Variants in ACYP2 observed in about 807,000 individuals in gnomAD.
ACYP2 encodes acylphosphatase 2.
In ACYP2, 12 loss-of-function variants were observed where a neutral mutation model predicts 11.2. The ratio of observed to expected loss-of-function variants is 1.08; its 90% confidence interval spans 0.69 to 1.74. The LOEUF is 1.74. Ranked by LOEUF, ACYP2 falls within the 40% of genes most tolerant of loss-of-function variation. The pLI is 0.00. For synonymous variants in ACYP2, 43 were observed against 32.2 expected, an observed-to-expected ratio of 1.33 and a Z score of -1.13; for missense variants, 134 against 101.9, an observed-to-expected ratio of 1.31 and a Z score of -1.35.
At chr2:54,297,679 A>G (rs2104161043) in intron 6 of ACYP2, among the ~76,000 whole-genome samples, 1 of 152,352 alleles carries the variant, frequency 6.6e-6, no homozygotes, top group South Asian at 2.1e-4. Context: ...TCTGATTACA[A>G]TACAAGAAAT....
chr2:54,011,794 A>G (rs1573514389), intron 2 of ACYP2, among the ~76,000 whole-genome samples: 1 of 151,882 alleles, frequency 6.6e-6, no homozygotes, highest in East Asian at 1.9e-4. Context: ...CTTCTTGAGT[A>G]GCTCAGTAAG....
intron 4 of ACYP2, among the ~76,000 whole-genome samples, chr2:54,103,268 A>G (rs968995105): frequency 6.6e-6 from 1 of 152,218 alleles, no homozygotes; most frequent in Admixed American, 6.5e-5. Flanking sequence ...AAAGCAACAC[A>G]TGTCCACCAC....
At chr2:54,071,663 G>T (rs1677050510) in intron 4 of ACYP2, among the ~76,000 whole-genome samples, 1 of 152,152 alleles carries the variant, frequency 6.6e-6, no homozygotes, top group South Asian at 2.1e-4. Flanking sequence ...TCACCATGTT[G>T]CCCAGGTTGG....
chr2:54,068,777 T>C (rs1411775204), intron 4 of ACYP2, among the ~76,000 whole-genome samples: 15 of 152,038 alleles, frequency 9.9e-5, no homozygotes, highest in African/African-American at 3.4e-4. Flanking sequence ...CACAGGCTGT[T>C]TGAGAAGGAG....
At chr2:54,051,369 T>A (rs1675857508) in intron 3 of ACYP2, 4 of 756,318 alleles carry the variant, frequency 5.3e-6, no homozygotes, top group African/African-American at 1.7e-5. Context: ...CCATGTCTGC[T>A]AAAGAGAAAA....
At chr2:53,980,379 A>G (rs1224506287) in intron 2 of ACYP2, among the ~76,000 whole-genome samples, 6 of 151,858 alleles carry the variant, frequency 4.0e-5, no homozygotes, top group Non-Finnish European at 8.8e-5. Flanking sequence ...TTTTTTATAA[A>G]AAGAAAAAGT....
At chr2:54,058,923 G>C (rs144829595) in intron 4 of ACYP2, among the ~76,000 whole-genome samples, 107 of 152,232 alleles carry the variant, frequency 7.0e-4, no homozygotes, top group African/African-American at 2.5e-3. Flanking sequence ...CTCAAGGCTG[G>C]TATCTTCCCC....
intron 4 of ACYP2, among the ~76,000 whole-genome samples, chr2:54,083,108 C>A (rs1044185887): frequency 6.9e-6 from 1 of 145,284 alleles, no homozygotes; most frequent in Non-Finnish European, 1.5e-5. Flanking sequence ...GTCACTATTT[C>A]TCAGGAAAAT....
intron 2 of ACYP2, among the ~76,000 whole-genome samples, chr2:54,003,892 A>G (rs890815473): frequency 2.0e-5 from 3 of 152,194 alleles, no homozygotes; most frequent in African/African-American, 7.2e-5. Context: ...GCTCCTCGCT[A>G]GCATTTATTG....
intron 6 of ACYP2, among the ~76,000 whole-genome samples, chr2:54,268,724 G>A (rs1688146484): frequency 6.6e-6 from 1 of 151,812 alleles, no homozygotes; most frequent in Admixed American, 6.6e-5. Flanking sequence ...GTGGGAGGAT[G>A]CTTGAGCCCA....
chr2:54,153,623 A>T (rs1682298033), intron 6 of ACYP2, among the ~76,000 whole-genome samples: 1 of 146,348 alleles, frequency 6.8e-6, no homozygotes, highest in Non-Finnish European at 1.5e-5. Flanking sequence ...TTTTTGAGAC[A>T]GAGTCTCGCT....
At position 54,178,039 on chromosome 2, in the gene ACYP2, G is replaced by A. The variant is rs192213470; in HGVS notation, c.404+39291G>A. 2.0e-5 allele frequency among the ~76,000 whole-genome samples: 3 copies of A among 151,174 alleles called. No homozygotes were observed. The East Asian group carries it at 5.8e-4, about 29-fold the overall frequency. ...CCTGCCTTAGCCTCCAGAGTAGCTG[G>A]GATTAAAGGTGCTTGCCATCACATC... is the stretch of plus-strand genomic sequence containing the variant. On this transcript the variant is annotated intron_variant, in intron 6 of 6. Coordinates refer to ENST00000607452, the MANE Select transcript of ACYP2 (RefSeq NM_001320586.2).
intron 4 of ACYP2, among the ~76,000 whole-genome samples, chr2:54,087,712 A>G (rs1436371318): frequency 1.3e-5 from 2 of 152,100 alleles, no homozygotes; most frequent in Non-Finnish European, 2.9e-5. Flanking sequence ...CTTTTCCTTA[A>G]AAGTATTGCT....
chr2:54,279,443 T>G (rs1345984900), intron 6 of ACYP2, among the ~76,000 whole-genome samples: 1 of 152,210 alleles, frequency 6.6e-6, no homozygotes, highest in Non-Finnish European at 1.5e-5. Context: ...TTGAAAAAGT[T>G]TGCCAACTCC....
intron 4 of ACYP2, chr2:54,065,755 T>G (rs1676711230): frequency 2.7e-6 from 1 of 368,394 alleles, no homozygotes; most frequent in East Asian, 4.0e-5. Flanking sequence ...ATGAGGAAAC[T>G]CTACATTTTG....
At chr2:54,051,305 G>A in intron 3 of ACYP2, 1 of 767,378 alleles carries the variant, frequency 1.3e-6, no homozygotes, top group Non-Finnish European at 2.4e-6. Context: ...GCAGCAGCCA[G>A]ATGCTTCAGT....
intron 6 of ACYP2, among the ~76,000 whole-genome samples, chr2:54,201,636 C>CCCTTTCTTTCTT (rs1553391349): frequency 1.2e-4 from 11 of 93,698 alleles, no homozygotes; most frequent in African/African-American, 4.2e-4. Flanking sequence ...TTCTTTCTTT[C>CCCTTTCTTTCTT]TCTTTCTTTC....
chr2:54,129,848 T>C (rs1174235996), intron 4 of ACYP2, among the ~76,000 whole-genome samples: 1 of 148,368 alleles, frequency 6.7e-6, no homozygotes, highest in Non-Finnish European at 1.5e-5. Context: ...ACATTAACAA[T>C]AAATATAATA....
intron 2 of ACYP2, among the ~76,000 whole-genome samples, chr2:54,004,622 G>T (rs1386574167): frequency 1.3e-5 from 2 of 151,050 alleles, no homozygotes; most frequent in Non-Finnish European, 3.0e-5. Context: ...GTGTTAGCCA[G>T]GATGGTCTTG....
Sources: gnomAD v4.1 joint callset for allele counts (sites outside exome capture counted in the v4.1 genomes callset) on GRCh38, gnomAD v4.1.1 for gene constraint, MANE v1.5 for transcripts, NCBI Gene and HGNC (gene_info 2026-07-23, HGNC 2026-07-21) for gene names.